The following NHSL1 variants were observed in gnomAD, a reference collection of about 807,000 sequenced individuals.
NHSL1 encodes the protein NHS-like protein 1.
In NHSL1, 48 loss-of-function variants were observed where a neutral mutation model predicts 95.0. That is an observed-to-expected ratio of 0.51 (90% confidence interval 0.40 to 0.64). The LOEUF (loss-of-function observed/expected upper bound fraction) is 0.64, where lower values mean the gene tolerates loss of function less well. NHSL1 is among the 30% of genes least tolerant of loss of function. The probability of loss-of-function intolerance (pLI) is 0.00; values close to 1 mark genes in which losing one functional copy is unlikely to be tolerated. For missense variants in NHSL1, 1,971 were observed against 2,077.7 expected (o/e 0.95, Z 1.00); for synonymous variants, 783 against 833.9 (o/e 0.94, Z 1.05).
intron 1 of NHSL1, among the ~76,000 whole-genome samples, chr6:138,656,547 G>A (rs1785159109): frequency 6.6e-6 from 1 of 152,154 alleles, no homozygotes; most frequent in Non-Finnish European, 1.5e-5. Flanking sequence ...TATTTTACAG[G>A]GTGGAGGATA....
At chr6:138,599,723 T>G (rs776542108) in intron 1 of NHSL1, among the ~76,000 whole-genome samples, 25 of 152,274 alleles carry the variant, frequency 1.6e-4, no homozygotes, top group South Asian at 6.2e-4. Flanking sequence ...AGGCAAGATC[T>G]CAGGCAGGGT....
intron 3 of NHSL1, among the ~76,000 whole-genome samples, chr6:138,462,015 G>C (rs941416781): frequency 6.6e-6 from 1 of 152,184 alleles, no homozygotes; most frequent in Non-Finnish European, 1.5e-5. Flanking sequence ...ACAATGGCGG[G>C]AAAGGGTGAG....
chr6:138,432,216 A>G lies in NHSL1; in HGVS notation c.2129T>C (p.Leu710Pro). Reference protein sequence around the residue: ...LIATLQHSLQLSLPGKSGSSP... With the variant: ...LIATLQHSLQPSLPGKSGSSP... ...GCTGCCACTCTTGCCTGGGAGGCTC[A>G]GCTGCAGCGAGTGCTGGAGTGTGGC... The change falls in exon 6 of 8, where the codon CTG becomes CCG. Residue 710 changes from leucine (L) to proline (P), a missense_variant. Leu to Pro is a moderately conservative substitution (Grantham distance 98). This residue lies in a region of NHSL1 where 1,602 missense variants were observed against 1,654.5 expected (regional missense o/e 0.97). Coordinates refer to ENST00000343505, the MANE Select transcript of NHSL1 (RefSeq NM_001144060.2). This position sits in a 1 kb window ranked among gnomAD's most constrained non-coding sequence, Gnocchi z 4.4. 6.5e-7 allele frequency: 1 copy of G among 1,546,984 alleles called. No homozygotes were observed. The highest frequency in any genetic ancestry group is 1.2e-5 in the South Asian group (1 of 83,594).
At chr6:138,616,824 A>G (rs1003232495) in intron 1 of NHSL1, among the ~76,000 whole-genome samples, 30 of 152,220 alleles carry the variant, frequency 2.0e-4, no homozygotes, top group African/African-American at 6.0e-4. Flanking sequence ...TGCCAGAACC[A>G]GGTCAAAGAA....
At chr6:138,608,470 T>C (rs965818377) in intron 1 of NHSL1, among the ~76,000 whole-genome samples, 6 of 152,230 alleles carry the variant, frequency 3.9e-5, no homozygotes, top group African/African-American at 1.4e-4. Flanking sequence ...AATTTTAAAA[T>C]GAGTTTCAAC....
At position 138,473,310 on chromosome 6, in the gene NHSL1, T is replaced by G; in HGVS notation, c.335A>C (p.Gln112Pro). ...DYQDEDEETD[Q>P]KCSLSSSEEE... ...GTGTTGAACTTTGAAGCTTACCTTT[T>G]GATCTGTTTCTTCATCTTCATCTTG... is the stretch of plus-strand genomic sequence containing the variant. The change falls in exon 3 of 8, where the codon CAA (glutamine) becomes CCA (proline). Residue 112 changes from glutamine (Q) to proline (P), a missense_variant. Gln to Pro is a moderately conservative substitution (Grantham distance 76, BLOSUM62 -1). Around this residue, in one of 3 missense-constraint regions of NHSL1, gnomAD observed 1,602 missense variants for 1,654.5 expected, o/e 0.97. Coordinates refer to ENST00000343505, the MANE Select transcript of NHSL1 (RefSeq NM_001144060.2). 1.3e-6 allele frequency: 2 copies of G among 1,541,960 alleles called. No homozygotes were observed. The highest frequency in any genetic ancestry group is 1.7e-6 in the Non-Finnish European group (2 of 1,143,498).
At chr6:138,511,748 CAACAT>C (rs1695251726) in intron 1 of NHSL1, among the ~76,000 whole-genome samples, 3 of 152,130 alleles carry the variant, frequency 2.0e-5, no homozygotes, top group African/African-American at 7.2e-5. Flanking sequence ...CCAGCCTGGG[CAACAT>C]GGCAAAAACC....
chr6:138,423,892 AC>A lies in NHSL1; in HGVS notation c.*188del. 4.9e-6 allele frequency: 2 copies of A among 411,874 alleles called. No homozygotes were observed. Among genetic ancestry groups the A allele is most frequent in the Non-Finnish European group, 8.1e-6 (2 of 247,616 alleles). The allele number at this position is 411,874 out of a possible 1,614,324, so 25.5% of individuals were successfully genotyped here. A position where few individuals can be genotyped will look rare whatever the true frequency, so the allele number is the denominator to read the frequency against. ...TTAAGCTTCTACTTGTTCTTAAGCC[AC>A]AGGGCAAGTGCCAGGTGAGTCCTAA... is the stretch of plus-strand genomic sequence containing the variant. On this transcript the variant is annotated 3_prime_UTR_variant, in exon 8 of 8. Coordinates refer to ENST00000343505, the MANE Select transcript of NHSL1 (RefSeq NM_001144060.2).
intron 5 of NHSL1, among the ~76,000 whole-genome samples, chr6:138,437,365 T>TATATATAC (rs1776212283): frequency 2.2e-5 from 2 of 91,150 alleles, no homozygotes; most frequent in Non-Finnish European, 4.0e-5. Flanking sequence ...TACACATATA[T>TATATATAC]ATATATACAC....
At chr6:138,621,815 A>G (rs1313433260) in intron 1 of NHSL1, among the ~76,000 whole-genome samples, 1 of 152,254 alleles carries the variant, frequency 6.6e-6, no homozygotes, top group Non-Finnish European at 1.5e-5. Context: ...AACCCAGAGT[A>G]AAGGAACAAT....
intron 5 of NHSL1, among the ~76,000 whole-genome samples, chr6:138,440,699 A>G (rs1010069118): frequency 1.3e-5 from 2 of 152,232 alleles, no homozygotes; most frequent in East Asian, 3.8e-4. Context: ...TCTCTAATAC[A>G]AGGCATTCAA....
intron 2 of NHSL1, among the ~76,000 whole-genome samples, chr6:138,476,327 T>C (rs1239422885): frequency 1.3e-5 from 2 of 152,166 alleles, no homozygotes; most frequent in Non-Finnish European, 2.9e-5. Context: ...AAAAAAGAAT[T>C]AAATCATATA....
rs957043771 is a variant in NHSL1 at position 138,422,956 on chromosome 6, C to T, written c.*1125G>A. 4 of 151,742 alleles carry T rather than the reference C, an allele frequency of 2.6e-5. No homozygotes were observed. Among genetic ancestry groups the T allele is most frequent in the Admixed American group, 2.0e-4 (3 of 15,248 alleles). 9.4% of individuals were successfully genotyped at this position (151,742 alleles called of 1,614,324 possible). Reference sequence around the variant, plus strand: ...TTTGATAAATCTTTCTGAATTAGGACATGATACTGTAGGCAGTTCAAGGAA... The same window carrying T: ...TTTGATAAATCTTTCTGAATTAGGATATGATACTGTAGGCAGTTCAAGGAA... On this transcript the variant is annotated 3_prime_UTR_variant, in exon 8 of 8. Transcript: ENST00000343505.
At chr6:138,473,200 T>C (rs1778861297) in intron 3 of NHSL1, 106 bp downstream of exon 3, 2 of 1,000,822 alleles carry the variant, frequency 2.0e-6, no homozygotes, top group Admixed American at 3.9e-5. Context: ...GACAATACTA[T>C]TGATTAAAAT....
intron 1 of NHSL1, among the ~76,000 whole-genome samples, chr6:138,536,645 G>T (rs1782365372): frequency 1.7e-5 from 2 of 115,528 alleles, no homozygotes; most frequent in African/African-American, 3.4e-5. Flanking sequence ...TTTAAGCTCT[G>T]GGATACATGT....
At chr6:138,469,618 G>A (rs1232343445) in intron 3 of NHSL1, among the ~76,000 whole-genome samples, 1 of 152,048 alleles carries the variant, frequency 6.6e-6, no homozygotes, top group Non-Finnish European at 1.5e-5. Context: ...TCAGCTACTC[G>A]GGAGGCTGAG....
At chr6:138,572,132 C>A in exon 1 of NHSL1, 1 of 503,354 alleles carries the variant, frequency 2.0e-6, no homozygotes. Context: ...TTTACCCTAG[C>A]CACATTGTGG....
intron 1 of NHSL1, among the ~76,000 whole-genome samples, chr6:138,562,505 A>G (rs563702975): frequency 2.0e-4 from 30 of 152,070 alleles, no homozygotes; most frequent in African/African-American, 7.0e-4. Context: ...CAACCACCAC[A>G]ACAAAAACTA....
chr6:138,636,308 T>C (rs1464723447), intron 1 of NHSL1, among the ~76,000 whole-genome samples: 1 of 152,004 alleles, frequency 6.6e-6, no homozygotes, highest in African/African-American at 2.4e-5. Context: ...CCATAGCTAA[T>C]ATAATGAACA....
Sources: gnomAD v4.1 joint callset for allele counts (sites outside exome capture counted in the v4.1 genomes callset) on GRCh38, gnomAD v4.1.1 for gene constraint, gnomAD v4.1.1 regional missense constraint, Gnocchi (gnomAD v3.1) non-coding constraint, MANE v1.5 for transcripts, NCBI Gene and HGNC (gene_info 2026-07-23, HGNC 2026-07-21) for gene names.